GAD1: variants seen among roughly 807,000 people sequenced by gnomAD.
GAD1 encodes the protein 67 kDa glutamic acid decarboxylase.
Under a neutral mutation model 75.2 loss-of-function variants are expected in GAD1, and 35 were observed. The observed-to-expected ratio is 0.47, with a 90% CI of 0.36 to 0.62. The LOEUF (loss-of-function observed/expected upper bound fraction) is 0.62, where lower values mean the gene tolerates loss of function less well. Ranked by LOEUF, GAD1 falls within the 20% of genes least tolerant of loss-of-function variation. The pLI is 0.00. For missense variants in GAD1, 490 were observed against 758.5 expected (o/e 0.65, Z 4.16); for synonymous variants, 257 against 271.9 (o/e 0.95, Z 0.54).
chr2:170,849,105 A>T (rs1702698154), intron 11 of GAD1, 181 bp from the exon 12 acceptor site: 2 of 676,752 alleles, frequency 3.0e-6, no homozygotes, highest in South Asian at 3.3e-5. Context: ...TGAAAAAGAA[A>T]TGACAAGCAA....
chr2:170,842,191 AC>A (rs1702532174), intron 6 of GAD1, among the ~76,000 whole-genome samples: 1 of 152,140 alleles, frequency 6.6e-6, no homozygotes, highest in South Asian at 2.1e-4. Flanking sequence ...ATGGAGTGGG[AC>A]CTATGCCTGA....
Position 170,859,774 on chromosome 2 carries a change from A to G in GAD1, c.1677A>G (p.Gln559=). 6.2e-7 allele frequency: 1 copy of G among 1,614,192 alleles called. No individual in the cohort carries two copies. Among genetic ancestry groups the G allele is most frequent in the South Asian group, 1.1e-5 (1 of 91,078 alleles). The change falls in exon 17 of 17, where the codon CAA becomes CAG. Residue 559 remains glutamine (Q), a synonymous_variant. Transcript: ENST00000358196. ...CGACCATGGTTGGCTACCAGCCCCA[A>G]GGGGACAAGGCCAACTTCTTCCGGA... ...SGTTMVGYQP[Q]GDKANFFRMV...
chr2:170,816,717 G>A (rs376690436), upstream of GAD1: 4 of 149,550 alleles, frequency 2.7e-5, no homozygotes, highest in African/African-American at 9.9e-5. Flanking sequence ...ATTTATAATC[G>A]CCCTATAAAG....
At chr2:170,847,882 C>A in intron 11 of GAD1, 90 bp downstream of exon 11, 1 of 843,482 alleles carries the variant, frequency 1.2e-6, no homozygotes, top group Non-Finnish European at 2.1e-6. Flanking sequence ...CACGCCCCAG[C>A]CAGCCCTCTC....
intron 2 of GAD1, chr2:170,821,843 T>G: frequency 1.9e-6 from 1 of 539,168 alleles, no homozygotes; most frequent in Non-Finnish European, 3.3e-6. Flanking sequence ...GGGCGCCGGG[T>G]GCCCCGCCTC....
At chr2:170,850,060 C>CAG (rs1702716419) in intron 12 of GAD1, among the ~76,000 whole-genome samples, 1 of 152,228 alleles carries the variant, frequency 6.6e-6, no homozygotes, top group Admixed American at 6.5e-5. Context: ...TACTGAGCAC[C>CAG]TATCATGAGC....
intron 15 of GAD1, among the ~76,000 whole-genome samples, chr2:170,857,972 C>T (rs1559287874): frequency 6.6e-6 from 1 of 152,154 alleles, no homozygotes; most frequent in African/African-American, 2.4e-5. Flanking sequence ...TATAATATAA[C>T]ACTGCTTACA....
chr2:170,813,991 G>A (rs1701654718), upstream of GAD1, among the ~76,000 whole-genome samples: 1 of 152,108 alleles, frequency 6.6e-6, no homozygotes, highest in Admixed American at 6.5e-5. Context: ...ACAGCTGGGC[G>A]GACACCACTC....
intron 3 of GAD1, chr2:170,829,194 TTAATTG>T (rs1702154682): frequency 2.1e-6 from 1 of 474,338 alleles, no homozygotes; most frequent in Non-Finnish European, 3.9e-6. Context: ...TCCAACTTAC[TTAATTG>T]TGAGTTCACT....
At chr2:170,828,022 C>T (rs1265557479) in intron 3 of GAD1, among the ~76,000 whole-genome samples, 1 of 151,916 alleles carries the variant, frequency 6.6e-6, no homozygotes, top group Non-Finnish European at 1.5e-5. Flanking sequence ...TGTGTTGGAC[C>T]TCACTACTTC....
chr2:170,854,353 A>T (rs45580134), intron 14 of GAD1, among the ~76,000 whole-genome samples: 1,986 of 152,214 alleles, frequency 0.013, 19 homozygotes, highest in Non-Finnish European at 0.02. Flanking sequence ...AGAAAGATAA[A>T]AAAAAATAAA....
chr2:170,857,422 G>A (rs375850586), intron 15 of GAD1, among the ~76,000 whole-genome samples: 6 of 152,052 alleles, frequency 3.9e-5, no homozygotes, highest in African/African-American at 1.2e-4. Context: ...CATCATTCTT[G>A]GGTTTGTTTT....
chr2:170,822,062 C>T (rs1701896517), intron 2 of GAD1, 25 bp from the exon 3 acceptor site: 3 of 1,594,620 alleles, frequency 1.9e-6, no homozygotes, highest in East Asian at 4.5e-5. Flanking sequence ...CCTAACCGAA[C>T]CTCTCTCCCT....
In GAD1 at chr2:170,836,892, C is replaced by T; in HGVS notation, c.638+9C>T. 6.3e-7 allele frequency: 1 copy of T among 1,579,926 alleles called. No individual in the cohort carries two copies. Among genetic ancestry groups the T allele is most frequent in the Non-Finnish European group, 8.7e-7 (1 of 1,149,098 alleles). On this transcript the variant is annotated intron_variant, in intron 6 of 16. Coordinates refer to ENST00000358196, the MANE Select transcript of GAD1 (RefSeq NM_000817.3). The stretch of plus-strand genomic sequence containing the variant: ...ACGGCCAATACCAACATGTAAGTCT[C>T]ATATGTTTTCATATAAGCAACCCTG...
Position 170,853,403 on chromosome 2 carries a change from T to C in GAD1, c.1264-470T>C. 1 of 205,334 alleles carries C rather than the reference T, an allele frequency of 4.9e-6. No homozygotes were observed. Among genetic ancestry groups the C allele is most frequent in the Non-Finnish European group, 1.0e-5 (1 of 99,878 alleles). The allele number at this position is 205,334 out of a possible 1,614,324, so 12.7% of individuals were successfully genotyped here. On this transcript the variant is annotated intron_variant, in intron 13 of 16. Coordinates refer to ENST00000358196, the MANE Select transcript of GAD1 (RefSeq NM_000817.3). The surrounding 1 kb of genome is among the most constrained non-coding windows in gnomAD (Gnocchi z 4.1). ...TCTCCAGCCTGTAGGAGCCAGAATC[T>C]GCACAGCGTCTTTAGTCCACTCATA...
intron 10 of GAD1, 70 bp from the exon 11 acceptor site, chr2:170,847,606 C>T (rs1702660866): frequency 8.9e-6 from 9 of 1,014,548 alleles, no homozygotes; most frequent in Non-Finnish European, 1.4e-5. Flanking sequence ...CACAATTCTT[C>T]TTCCTGTGAA....
At chr2:170,837,400 A>AT (rs1325040216) in intron 6 of GAD1, among the ~76,000 whole-genome samples, 2 of 152,162 alleles carry the variant, frequency 1.3e-5, no homozygotes, top group African/African-American at 2.4e-5. Context: ...TAAATGTGAC[A>AT]TTTTTTCATA....
At chr2:170,847,400 G>A (rs192517451) in intron 10 of GAD1, among the ~76,000 whole-genome samples, 3 of 152,030 alleles carry the variant, frequency 2.0e-5, no homozygotes, top group East Asian at 1.9e-4. Flanking sequence ...TGTAAACTCC[G>A]CAATGACAGA....
rs773925203 is a variant in GAD1 at position 170,844,163 on chromosome 2, TTTCTC to T, written c.751+15_751+19del. 8.2e-5 allele frequency: 117 copies of T among 1,434,748 alleles called. 3 individuals carry two copies. The South Asian group carries it at 1.3e-3, about 16-fold the overall frequency. The allele number at this position is 1,434,748 out of a possible 1,614,324, so 88.9% of individuals were successfully genotyped here. ...TGATGGGATATTTTCTCCTGGTAGG[TTTCTC>T]TTCTCTTCCTCTTCTCAAGGTTTGG... On this transcript the variant is annotated splice_region_variant and intron_variant, in intron 7 of 16. Coordinates refer to ENST00000358196, the MANE Select transcript of GAD1 (RefSeq NM_000817.3).
Sources: gnomAD v4.1 joint callset for allele counts (sites outside exome capture counted in the v4.1 genomes callset) on GRCh38, gnomAD v4.1.1 for gene constraint, Gnocchi (gnomAD v3.1) non-coding constraint, MANE v1.5 for transcripts, NCBI Gene and HGNC (gene_info 2026-07-23, HGNC 2026-07-21) for gene names.